The following XKR5 variants were observed in gnomAD, a reference collection of about 807,000 sequenced individuals.
XKR5 encodes the protein XK-related protein 5.
Under a neutral mutation model 40.8 loss-of-function variants are expected in XKR5, and 46 were observed. The ratio of observed to expected loss-of-function variants is 1.13; its 90% CI spans 0.89 to 1.44. XKR5 has a LOEUF of 1.44. XKR5 is among the 40% of genes most tolerant of loss of function. The probability of loss-of-function intolerance (pLI) is 0.00; values close to 1 mark genes in which losing one functional copy is unlikely to be tolerated. For missense variants in XKR5, 1,169 were observed against 844.7 expected, an observed-to-expected ratio of 1.38 and a Z score of -4.76; for synonymous variants, 466 against 356.1, an observed-to-expected ratio of 1.31 and a Z score of -3.48.
At chr8:6,821,733 T>C in intron 5 of XKR5, 136 bp downstream of exon 5, 2 of 719,266 alleles carry the variant, frequency 2.8e-6, no homozygotes, top group Non-Finnish European at 4.1e-6. Flanking sequence ...TAAGAATTTT[T>C]CTTAAACTAA....
chr8:6,834,734 C>T (rs984650389), intron 1 of XKR5, among the ~76,000 whole-genome samples: 2 of 152,188 alleles, frequency 1.3e-5, no homozygotes, highest in Non-Finnish European at 2.9e-5. Context: ...CGGAAGTGGG[C>T]GGAGACGCTC....
chr8:6,814,781 G>T (rs1803884395), intron 6 of XKR5, among the ~76,000 whole-genome samples: 1 of 152,196 alleles, frequency 6.6e-6, no homozygotes, highest in Non-Finnish European at 1.5e-5. Context: ...GGTGGCCTGT[G>T]GCTCTCAAAT....
rs1803646898 is a variant in XKR5, at chr8:6,810,896, A to G, written c.*302T>C. ...GTGTTTCCTAGAAGCCACAGCAAAAAGATAAAATAAGGGAACCTACAGCTC... is the reference window on the plus strand; with the variant it reads ...GTGTTTCCTAGAAGCCACAGCAAAAGGATAAAATAAGGGAACCTACAGCTC... On this transcript the variant is annotated 3_prime_UTR_variant, in exon 7 of 7. Coordinates refer to ENST00000618742, the MANE Select transcript of XKR5 (RefSeq NM_207411.5). 4.2e-6 allele frequency: 1 copy of G among 236,958 alleles called. No individual in the cohort carries two copies. Among genetic ancestry groups the G allele is most frequent in the South Asian group, 1.4e-4 (1 of 6,946 alleles). The allele number at this position is 236,958 out of a possible 1,614,324, so 14.7% of individuals were successfully genotyped here. A position where few individuals can be genotyped will look rare whatever the true frequency, so the allele number is the denominator to read the frequency against.
chr8:6,813,228 G>T (rs547897458), intron 6 of XKR5, among the ~76,000 whole-genome samples: 1 of 152,178 alleles, frequency 6.6e-6, no homozygotes. Flanking sequence ...TCCAACCTTG[G>T]AAAGGGAGGT....
In XKR5 at chr8:6,812,013, T is replaced by C. The variant is rs1803732463; in HGVS notation, c.1246A>G (p.Asn416Asp). The C allele has an allele frequency of 1.3e-6, 2 of 1,537,314 alleles. No individual in the cohort carries two copies. Among genetic ancestry groups the C allele is most frequent in the Non-Finnish European group, 1.7e-6 (2 of 1,146,942 alleles). ...LWVKLALKTG[N>D]VSKINAAFGD... ...AAGGCGGCATTGATCTTAGACACAT[T>C]TCCTGTTTTTAGGGCAAGTTTCACC... The change falls in exon 7 of 7, where the codon AAT becomes GAT. Residue 416 changes from asparagine to aspartate, a missense_variant. Coordinates refer to ENST00000618742, the MANE Select transcript of XKR5 (RefSeq NM_207411.5).
At position 6,835,443 on chromosome 8, in the gene XKR5, C is replaced by T; in HGVS notation, c.51G>A (p.Gln17=). 1 of 1,492,810 alleles carries T rather than the reference C, an allele frequency of 6.7e-7. No individual in the cohort carries two copies. The allele number at this position is 1,492,810 out of a possible 1,614,324, so 92.5% of individuals were successfully genotyped here. A position where few individuals can be genotyped will look rare whatever the true frequency, so the allele number is the denominator to read the frequency against. ...GLSALLQAAE[Q]SARLYTVAYY... is the part of the protein sequence containing the mutation. ...TCGGGCTGCCGCACTCACGCGCGCT[C>T]TGCTCGGCCGCCTGCAGCAGGGCCG... Residue 17 remains glutamine, a synonymous_variant, in exon 1 of 7, where the codon CAG becomes CAA. Transcript: ENST00000618742.
Position 6,811,538 on chromosome 8 carries a change from T to C in XKR5, c.1721A>G (p.Lys574Arg). ...CGATGCAGGCTGGGCAGGGCTGCTC[T>C]TTCCCAGCCTCCTTCCAGAGTGGGC... Reference protein sequence around the residue: ...QTAHSGRRLGKSSPAQPASPH... With the variant: ...QTAHSGRRLGRSSPAQPASPH... The change falls in exon 7 of 7, where the codon AAG (lysine) becomes AGG (arginine). Residue 574 changes from lysine to arginine, a missense_variant. Coordinates refer to ENST00000618742, the MANE Select transcript of XKR5 (RefSeq NM_207411.5). 1.3e-6 allele frequency: 2 copies of C among 1,534,716 alleles called. No homozygotes were observed. Among genetic ancestry groups the C allele is most frequent in the South Asian group, 2.4e-5 (2 of 83,634 alleles).
intron 6 of XKR5, among the ~76,000 whole-genome samples, chr8:6,814,343 G>T (rs1032064182): frequency 3.3e-5 from 5 of 152,184 alleles, no homozygotes; most frequent in African/African-American, 9.7e-5. Flanking sequence ...GAGGCTCTCC[G>T]GAGAGCTCTG....
rs908821070 is a variant in XKR5, at chr8:6,811,249, C to T, written c.2010G>A (p.Thr670=). 8.5e-6 allele frequency: 13 copies of T among 1,537,142 alleles called. No individual in the cohort carries two copies. The highest frequency in any genetic ancestry group is 2.7e-5 in the African/African-American group (2 of 73,040). ...TCATCTGTTCCCTGCAGCTGCAGTC[C>T]GTTTGGATAGACTCAGACTTAGGGG... ...TSTPKSESIQ[T]DCSCREQMKQ... Residue 670 remains threonine (T), a synonymous_variant, in exon 7 of 7, where the codon ACG becomes ACA. Transcript: ENST00000618742.
At chr8:6,821,841 A>C (rs1563354760) in intron 5 of XKR5, 28 bp downstream of exon 5, 4 of 1,606,208 alleles carry the variant, frequency 2.5e-6, no homozygotes, top group Non-Finnish European at 3.4e-6. Flanking sequence ...ACACTGTAAA[A>C]GTTAGGATAA....
Position 6,832,713 on chromosome 8 carries a change from T to A in XKR5, c.242+4A>T. On this transcript the variant is annotated splice_donor_region_variant and intron_variant, in intron 2 of 6. Transcript: ENST00000618742. Reference sequence around the variant, plus strand: ...CCAGAGGTGAAAGAGGCAGCTGTTCTTACCGCTTCCAAACACCAAGCTGTA... The same window carrying A: ...CCAGAGGTGAAAGAGGCAGCTGTTCATACCGCTTCCAAACACCAAGCTGTA... 1 of 1,612,998 alleles carries A rather than the reference T, an allele frequency of 6.2e-7. No individual in the cohort carries two copies. The highest frequency in any genetic ancestry group is 8.5e-7 in the Non-Finnish European group (1 of 1,179,514).
At chr8:6,816,433 G>T (rs1047169039) in intron 5 of XKR5, among the ~76,000 whole-genome samples, 4 of 151,974 alleles carry the variant, frequency 2.6e-5, no homozygotes, top group African/African-American at 7.2e-5. Flanking sequence ...ACGGGAGCTC[G>T]CAGGCTGACA....
At chr8:6,820,465 C>G (rs1804178874) in intron 5 of XKR5, among the ~76,000 whole-genome samples, 1 of 152,230 alleles carries the variant, frequency 6.6e-6, no homozygotes, top group African/African-American at 2.4e-5. Context: ...CAAATGCAAG[C>G]AAACAAGGTG....
chr8:6,827,694 A>T (rs77606770), intron 2 of XKR5, among the ~76,000 whole-genome samples: 3 of 152,180 alleles, frequency 2.0e-5, no homozygotes, highest in Non-Finnish European at 4.4e-5. Flanking sequence ...TTTGTTCCTG[A>T]CATGGGGTAG....
chr8:6,813,518 C>G (rs1269117454), intron 6 of XKR5, among the ~76,000 whole-genome samples: 1 of 152,172 alleles, frequency 6.6e-6, no homozygotes. Flanking sequence ...ATATTGGTCC[C>G]AGGATGGAAG....
chr8:6,833,961 G>A (rs780183447), intron 1 of XKR5, among the ~76,000 whole-genome samples: 2 of 152,178 alleles, frequency 1.3e-5, no homozygotes, highest in Non-Finnish European at 2.9e-5. Context: ...TTTTGATGGT[G>A]GTTACGCAGT....
chr8:6,810,432 GT>G lies in XKR5; in HGVS notation c.*765del, dbSNP rs1309670524. On this transcript the variant is annotated 3_prime_UTR_variant, in exon 7 of 7. Coordinates refer to ENST00000618742, the MANE Select transcript of XKR5 (RefSeq NM_207411.5). ...AAAGGAGATGGGGTGGAAAGCAGCAGTGGGAGCTGGAAGGGAACTCTTGGCT... is the reference window on the plus strand; with the variant it reads ...AAAGGAGATGGGGTGGAAAGCAGCAGGGGAGCTGGAAGGGAACTCTTGGCT... 4.0e-4 allele frequency: 61 copies of G among 152,416 alleles called. No individual in the cohort carries two copies. Among genetic ancestry groups the G allele is most frequent in the African/African-American group, 1.4e-3 (59 of 41,572 alleles). The allele number at this position is 152,416 out of a possible 1,614,324, so 9.4% of individuals were successfully genotyped here.
At chr8:6,816,053 T>G (rs1347030896) in intron 5 of XKR5, 135 bp from the exon 6 acceptor site, 1 of 617,062 alleles carries the variant, frequency 1.6e-6, no homozygotes, top group Non-Finnish European at 2.9e-6. Context: ...TGCTGAGGAG[T>G]ACCCAGGAGC....
chr8:6,831,397 G>C (rs1234868977), intron 2 of XKR5, among the ~76,000 whole-genome samples: 2 of 152,142 alleles, frequency 1.3e-5, no homozygotes, highest in African/African-American at 4.8e-5. Flanking sequence ...TAGAGGTTTA[G>C]GGTCCAACTC....
Sources: gnomAD v4.1 joint callset for allele counts (sites outside exome capture counted in the v4.1 genomes callset) on GRCh38, gnomAD v4.1.1 for gene constraint, MANE v1.5 for transcripts, NCBI Gene and HGNC (gene_info 2026-07-23, HGNC 2026-07-21) for gene names.